The following PCDH15 variants were observed in gnomAD, a reference collection of about 807,000 sequenced individuals.
PCDH15 encodes protocadherin-15.
Under a neutral mutation model 178.5 loss-of-function variants are expected in PCDH15, and 129 were observed. The observed-to-expected ratio is 0.72, with a 90% CI of 0.63 to 0.84. The LOEUF (loss-of-function observed/expected upper bound fraction) is 0.84. Among genes scored for constraint, PCDH15 ranks in the 40% least tolerant of loss-of-function variants. The pLI, the probability that PCDH15 is intolerant of heterozygous loss-of-function variation, is 0.00. For missense variants in PCDH15, 2,230 were observed against 2,099.9 expected, an observed-to-expected ratio of 1.06 and a Z score of -1.21; for synonymous variants, 800 against 732.0, an observed-to-expected ratio of 1.09 and a Z score of -1.50.
intron 1 of PCDH15, among the ~76,000 whole-genome samples, chr10:55,237,028 A>G (rs552794680): frequency 6.6e-6 from 1 of 152,234 alleles, no homozygotes; most frequent in African/African-American, 2.4e-5. Flanking sequence ...AACATATCAA[A>G]CAGGCTAGTG....
At chr10:54,986,061 G>A (rs1420252024) in intron 2 of PCDH15, among the ~76,000 whole-genome samples, 1 of 152,172 alleles carries the variant, frequency 6.6e-6, no homozygotes, top group East Asian at 1.9e-4. Flanking sequence ...CAAGTAGGAA[G>A]AAGAAATTTG....
intron 1 of PCDH15, among the ~76,000 whole-genome samples, chr10:54,720,359 A>G (rs11004488): frequency 0.12 from 18,453 of 151,974 alleles, 1,235 homozygotes; most frequent in African/African-American, 0.17. Flanking sequence ...GCATATAGTC[A>G]TCAGAATTTT....
intron 6 of PCDH15, among the ~76,000 whole-genome samples, chr10:54,343,652 G>A (rs1286371942): frequency 1.4e-5 from 2 of 146,112 alleles, no homozygotes; most frequent in East Asian, 2.0e-4. Flanking sequence ...TGCGGGGGGA[G>A]GTGGGAGGGG....
chr10:55,467,116 G>A (rs1839846784), intron 2 of PCDH15, among the ~76,000 whole-genome samples: 1 of 152,122 alleles, frequency 6.6e-6, no homozygotes, highest in Admixed American at 6.5e-5. Flanking sequence ...CTCAATTATA[G>A]GTATTAATTT....
At chr10:54,078,100 T>G (rs2094373872) in intron 17 of PCDH15, among the ~76,000 whole-genome samples, 1 of 152,094 alleles carries the variant, frequency 6.6e-6, no homozygotes, top group Non-Finnish European at 1.5e-5. Flanking sequence ...ATTGCTTATA[T>G]AAAAATTAGC....
intron 1 of PCDH15, among the ~76,000 whole-genome samples, chr10:55,230,606 T>G (rs1481117110): frequency 2.6e-5 from 4 of 152,000 alleles, no homozygotes; most frequent in African/African-American, 9.7e-5. Flanking sequence ...TAGAAAGAAA[T>G]AATCGGCAGA....
intron 2 of PCDH15, among the ~76,000 whole-genome samples, chr10:55,324,875 TC>T (rs2132303480): frequency 6.6e-6 from 1 of 152,188 alleles, no homozygotes; most frequent in East Asian, 1.9e-4. Flanking sequence ...CAGGAAAGTT[TC>T]AGGACACAAA....
At chr10:54,428,325 C>A (rs1956545310) in intron 3 of PCDH15, among the ~76,000 whole-genome samples, 2 of 152,202 alleles carry the variant, frequency 1.3e-5, no homozygotes, top group Non-Finnish European at 2.9e-5. Context: ...CCCAGTAGGA[C>A]TGGCTGAAGA....
At chr10:53,817,954 C>T (rs1332996678) in intron 34 of PCDH15, 41 bp downstream of exon 34, 2 of 398,422 alleles carry the variant, frequency 5.0e-6, no homozygotes, top group African/African-American at 4.1e-5. Context: ...AAGTATTTTC[C>T]TAGTATGCTT....
At chr10:54,325,466 C>T (rs1330553667) in intron 7 of PCDH15, among the ~76,000 whole-genome samples, 1 of 152,026 alleles carries the variant, frequency 6.6e-6, no homozygotes, top group African/African-American at 2.4e-5. Flanking sequence ...TAAAAAACCA[C>T]TGCCAGGTGC....
chr10:54,984,001 G>A (rs1008727311), intron 2 of PCDH15, among the ~76,000 whole-genome samples: 1 of 152,154 alleles, frequency 6.6e-6, no homozygotes, highest in African/African-American at 2.4e-5. Flanking sequence ...GAAATGAGGA[G>A]GAGGCACCTA....
chr10:54,476,950 A>AC (rs1432360816), intron 3 of PCDH15, among the ~76,000 whole-genome samples: 1 of 152,048 alleles, frequency 6.6e-6, no homozygotes, highest in East Asian at 1.9e-4. Flanking sequence ...TATTTCAGAC[A>AC]CCATTTCTCT....
rs544554896 is a variant in PCDH15 at position 54,150,028 on chromosome 10, A to C, written c.1784+3072T>G. ...GCCTTAAACCTCTTATTGGATATAA[A>C]GTCACCAATAAGTTTGACAGGAGTA... On this transcript the variant is annotated intron_variant, in intron 14 of 37. Coordinates refer to ENST00000644397, the MANE Select transcript of PCDH15 (RefSeq NM_001384140.1). Among the ~76,000 whole-genome samples the C allele has an allele frequency of 2.0e-5, 3 of 152,232 alleles. No individual in the cohort carries two copies. In the East Asian group the frequency reaches 5.8e-4, roughly 29 times the overall value.
At chr10:54,529,898 A>G (rs1284543177) in intron 2 of PCDH15, among the ~76,000 whole-genome samples, 2 of 152,068 alleles carry the variant, frequency 1.3e-5, no homozygotes, top group African/African-American at 4.8e-5. Context: ...ACTCTCTCAT[A>G]TGTACACACA....
At chr10:55,389,715 A>G (rs1837747842) in intron 2 of PCDH15, among the ~76,000 whole-genome samples, 1 of 152,102 alleles carries the variant, frequency 6.6e-6, no homozygotes, top group Non-Finnish European at 1.5e-5. Flanking sequence ...CTCTTGAACA[A>G]TGAAGTCTAA....
rs80160839 is a variant in PCDH15, at chr10:53,923,771, T to C, written c.3373+15044A>G. The stretch of plus-strand genomic sequence containing the variant: ...ATGTTTCAGCCATTTTTGACTTTTC[T>C]TGAAACCCTCTTCTCCTTTGGCTAA... On this transcript the variant is annotated intron_variant, in intron 25 of 37. Coordinates refer to ENST00000644397, the MANE Select transcript of PCDH15 (RefSeq NM_001384140.1). 3.7e-3 allele frequency among the ~76,000 whole-genome samples: 564 copies of C among 152,358 alleles called. 1 individual carries two copies. The highest frequency in any genetic ancestry group is 0.013 in the African/African-American group (550 of 41,584).
At chr10:55,030,132 T>C (rs559678474) in intron 2 of PCDH15, among the ~76,000 whole-genome samples, 2 of 152,294 alleles carry the variant, frequency 1.3e-5, no homozygotes, top group African/African-American at 4.8e-5. Context: ...AGAAATTAAG[T>C]CAGTTTCCAA....
At chr10:54,987,459 G>A (rs1236290995) in intron 2 of PCDH15, among the ~76,000 whole-genome samples, 2 of 152,118 alleles carry the variant, frequency 1.3e-5, no homozygotes, top group African/African-American at 4.8e-5. Context: ...CCAAATGTTT[G>A]AACTAATTTA....
chr10:55,569,229 G>A (rs188841646), intron 2 of PCDH15, among the ~76,000 whole-genome samples: 1 of 152,050 alleles, frequency 6.6e-6, no homozygotes, highest in African/African-American at 2.4e-5. Flanking sequence ...TATGGTTTAT[G>A]GACCATGAAG....
Sources: allele counts gnomAD v4.1 joint callset (sites outside exome capture counted in the v4.1 genomes callset), GRCh38; gene constraint gnomAD v4.1.1; transcripts MANE v1.5; gene names NCBI Gene and HGNC (gene_info 2026-07-23, HGNC 2026-07-21).